ALPK2: variants seen among roughly 807,000 people sequenced by gnomAD.
ALPK2 encodes the protein alpha-protein kinase 2.
In ALPK2, 127 loss-of-function variants were observed where a neutral mutation model predicts 163.1. The observed-to-expected ratio is 0.78, with a 90% CI of 0.67 to 0.90. The LOEUF is 0.90. ALPK2 is among the 40% of genes least tolerant of loss of function. The pLI is 0.00. For missense variants in ALPK2, 2,360 were observed against 2,589.6 expected, an observed-to-expected ratio of 0.91 and a Z score of 1.92; for synonymous variants, 953 against 959.1, an observed-to-expected ratio of 0.99 and a Z score of 0.12.
chr18:58,482,147 A>G lies in ALPK2; in HGVS notation c.6297-108T>C, dbSNP rs376304684. The G allele has an allele frequency of 2.9e-4, 230 of 787,248 alleles. 1 individual carries two copies. The East Asian group carries it at 4.5e-3, about 16-fold the overall frequency. 48.8% of individuals were successfully genotyped at this position (787,248 alleles called of 1,614,324 possible). Reference sequence around the variant, plus strand: ...ACTAATGGTGCATGGAACATATATGAATTTCTGTTTTAGATAAGAATGGCT... The same window carrying G: ...ACTAATGGTGCATGGAACATATATGGATTTCTGTTTTAGATAAGAATGGCT... On this transcript the variant is annotated intron_variant, in intron 12 of 12. Coordinates refer to ENST00000361673, the MANE Select transcript of ALPK2 (RefSeq NM_052947.4).
At chr18:58,562,953 A>C (rs1602220001) in intron 4 of ALPK2, among the ~76,000 whole-genome samples, 1 of 152,068 alleles carries the variant, frequency 6.6e-6, no homozygotes, top group Non-Finnish European at 1.5e-5. Flanking sequence ...CTTCCCACAG[A>C]CTCCACCTGC....
chr18:58,483,317 T>C (rs2051321147), intron 12 of ALPK2, among the ~76,000 whole-genome samples: 1 of 152,166 alleles, frequency 6.6e-6, no homozygotes, highest in African/African-American at 2.4e-5. Context: ...ACATAAGTCA[T>C]ATCTCCTGCT....
chr18:58,602,592 T>C (rs947438480), intron 3 of ALPK2, among the ~76,000 whole-genome samples: 13 of 152,276 alleles, frequency 8.5e-5, no homozygotes, highest in African/African-American at 2.9e-4. Flanking sequence ...TGTGGCTCTG[T>C]TTTCCCTTTT....
chr18:58,483,805 T>A (rs1234747725), intron 12 of ALPK2, among the ~76,000 whole-genome samples: 1 of 151,376 alleles, frequency 6.6e-6, no homozygotes, highest in Non-Finnish European at 1.5e-5. Flanking sequence ...CCTCAGGTGA[T>A]CCGCCCGCCT....
chr18:58,569,906 G>A (rs773413595), intron 4 of ALPK2, among the ~76,000 whole-genome samples: 4 of 151,632 alleles, frequency 2.6e-5, no homozygotes, highest in Admixed American at 6.6e-5. Context: ...TGAGGTGGGC[G>A]GATCACAATG....
intron 11 of ALPK2, among the ~76,000 whole-genome samples, chr18:58,503,044 C>T (rs2051440625): frequency 6.6e-6 from 1 of 152,270 alleles, no homozygotes; most frequent in Non-Finnish European, 1.5e-5. Context: ...TACTCCTCTA[C>T]TGGCGTTTCC....
chr18:58,498,237 A>G (rs2051411293), intron 11 of ALPK2, 140 bp from the exon 12 acceptor site: 2 of 732,116 alleles, frequency 2.7e-6, no homozygotes, highest in African/African-American at 1.8e-5. Context: ...CCTCTTTCAT[A>G]TACGCATCCA....
At chr18:58,555,223 C>T (rs183254627) in intron 4 of ALPK2, among the ~76,000 whole-genome samples, 1 of 152,146 alleles carries the variant, frequency 6.6e-6, no homozygotes, top group East Asian at 1.9e-4. Flanking sequence ...TAAGCCAGAG[C>T]CTCTTCTTAA....
intron 4 of ALPK2, among the ~76,000 whole-genome samples, chr18:58,543,763 T>G (rs2051703497): frequency 6.6e-6 from 1 of 152,200 alleles, no homozygotes; most frequent in South Asian, 2.1e-4. Context: ...AACCGACACA[T>G]GAGGTCAATG....
At position 58,536,035 on chromosome 18, in the gene ALPK2, A is replaced by G. The variant is rs1363162229; in HGVS notation, c.4152T>C (p.Asp1384=). The G allele has an allele frequency of 2.3e-5, 37 of 1,614,044 alleles. No homozygotes were observed. Among genetic ancestry groups the G allele is most frequent in the Non-Finnish European group, 3.1e-5 (37 of 1,180,032 alleles). ...GAAACTTTTTAAAGAAGGCAGTGTG[A>G]TCCATCTTGAGTTGTTTTTCCTCCT... The part of the protein sequence containing the change: ...QDQEEKQLKM[D]HTAFFKKFLT... Residue 1384 remains aspartate (D), a synonymous_variant, in exon 5 of 13, where the codon GAT becomes GAC. Transcript: ENST00000361673.
At chr18:58,503,320 G>T (rs2051442331) in intron 11 of ALPK2, among the ~76,000 whole-genome samples, 1 of 152,206 alleles carries the variant, frequency 6.6e-6, no homozygotes, top group Non-Finnish European at 1.5e-5. Flanking sequence ...CTGAGTTTAG[G>T]CCTATTGAGG....
intron 11 of ALPK2, among the ~76,000 whole-genome samples, chr18:58,502,056 T>G (rs572263732): frequency 6.6e-6 from 1 of 151,520 alleles, no homozygotes; most frequent in South Asian, 2.1e-4. Context: ...ATCCCAGCAC[T>G]TTGGGAGGCC....
intron 4 of ALPK2, among the ~76,000 whole-genome samples, chr18:58,567,472 T>C (rs926614055): frequency 1.3e-5 from 2 of 152,170 alleles, no homozygotes; most frequent in Non-Finnish European, 2.9e-5. Context: ...ATCAGGTGAT[T>C]CCAATGCAAA....
chr18:58,503,179 A>G (rs79932929), intron 11 of ALPK2, among the ~76,000 whole-genome samples: 44 of 152,390 alleles, frequency 2.9e-4, no homozygotes, highest in Middle Eastern at 3.4e-3. Context: ...TTGTGTATAC[A>G]TTGAAAACAT....
chr18:58,567,548 C>A (rs976508198), intron 4 of ALPK2, among the ~76,000 whole-genome samples: 1 of 152,088 alleles, frequency 6.6e-6, no homozygotes, highest in Admixed American at 6.6e-5. Context: ...CACCTGAACA[C>A]GAGACATCCA....
intron 4 of ALPK2, among the ~76,000 whole-genome samples, chr18:58,540,699 C>G (rs1012484743): frequency 6.6e-6 from 1 of 152,180 alleles, no homozygotes; most frequent in Non-Finnish European, 1.5e-5. Flanking sequence ...TTCTATCCTG[C>G]CTGCATTTCC....
intron 12 of ALPK2, among the ~76,000 whole-genome samples, chr18:58,483,098 A>G (rs781738155): frequency 6.6e-6 from 1 of 152,190 alleles, no homozygotes; most frequent in Non-Finnish European, 1.5e-5. Context: ...ACCCTCCCCA[A>G]TAAGTGGCAT....
At chr18:58,529,632 G>A (rs1288539236) in intron 5 of ALPK2, among the ~76,000 whole-genome samples, 1 of 152,182 alleles carries the variant, frequency 6.6e-6, no homozygotes, top group African/African-American at 2.4e-5. Context: ...TTAGGGAGTA[G>A]AATAAAATCT....
At chr18:58,514,898 T>C in intron 10 of ALPK2, 95 bp downstream of exon 10, 2 of 868,866 alleles carry the variant, frequency 2.3e-6, no homozygotes, top group Non-Finnish European at 3.5e-6. Flanking sequence ...AGAGATCAGC[T>C]GAAACACTTG....
Sources: allele counts gnomAD v4.1 joint callset (sites outside exome capture counted in the v4.1 genomes callset), GRCh38; gene constraint gnomAD v4.1.1; transcripts MANE v1.5; gene names NCBI Gene and HGNC (gene_info 2026-07-23, HGNC 2026-07-21).